SLC26A6: variants seen among roughly 807,000 people sequenced by gnomAD.
SLC26A6 encodes the protein solute carrier family 26 member 6.
Under a neutral mutation model 87.1 loss-of-function variants are expected in SLC26A6, and 67 were observed. The observed-to-expected ratio is 0.77, with a 90% CI of 0.63 to 0.94. The LOEUF (loss-of-function observed/expected upper bound fraction) is 0.94, where lower values mean the gene tolerates loss of function less well. SLC26A6 is among the 40% of genes least tolerant of loss of function. The pLI is 0.00. For synonymous variants in SLC26A6, 414 were observed against 405.9 expected, an observed-to-expected ratio of 1.02 and a Z score of -0.24; for missense variants, 902 against 973.0, an observed-to-expected ratio of 0.93 and a Z score of 0.97.
intron 4 of SLC26A6, 67 bp downstream of exon 4, chr3:48,632,907 C>T: frequency 1.4e-6 from 2 of 1,471,562 alleles, no homozygotes; most frequent in East Asian, 2.3e-5. Context: ...TGCTCAGTGC[C>T]CCCTCACCCT....
At position 48,631,646 on chromosome 3, in the gene SLC26A6, A is replaced by G. The variant is rs560074702; in HGVS notation, c.903+3T>C. Reference sequence around the variant, plus strand: ...CCTGCCCTCCACTCCCTGGCCCTCGAACCGTGAGCAGCTCCCCGGGTATCG... The same window carrying G: ...CCTGCCCTCCACTCCCTGGCCCTCGGACCGTGAGCAGCTCCCCGGGTATCG... On this transcript the variant is annotated splice_donor_region_variant and intron_variant, in intron 7 of 20. Transcript: ENST00000395550. The G allele has an allele frequency of 5.0e-6, 8 of 1,612,450 alleles. No individual in the cohort carries two copies. The Admixed American group carries it at 1.3e-4, about 27-fold the overall frequency.
chr3:48,633,090 G>A lies in SLC26A6; in HGVS notation c.323-6C>T, dbSNP rs972739065. ...CAGGAGGGCGTAGGCCAAGCCTAGG[G>A]GTAGAATGGTAGCAGTGCAGGCCTG... On this transcript the variant is annotated splice_region_variant and splice_polypyrimidine_tract_variant and intron_variant, in intron 3 of 20. Transcript: ENST00000395550. 11 of 1,609,386 alleles carry A rather than the reference G, an allele frequency of 6.8e-6. No individual in the cohort carries two copies. Among genetic ancestry groups the A allele is most frequent in the Non-Finnish European group, 8.5e-6 (10 of 1,177,918 alleles).
intron 7 of SLC26A6, 118 bp downstream of exon 7, chr3:48,631,531 C>A: frequency 1.5e-6 from 2 of 1,374,978 alleles, no homozygotes; most frequent in Non-Finnish European, 2.0e-6. Context: ...CCCCACAATA[C>A]CCAAGAACCC....
chr3:48,629,686 C>G lies in SLC26A6; in HGVS notation c.1555G>C (p.Val519Leu). ...QMPHYSVLGQVPDTDIYRDVA... is the reference protein window; with the variant it reads ...QMPHYSVLGQLPDTDIYRDVA... Reference sequence around the variant, plus strand: ...TCTCTGTAAATATCCGTGTCTGGCACCTGCCCCAGGACAGAGTAGTGGGGC... The same window carrying G: ...TCTCTGTAAATATCCGTGTCTGGCAGCTGCCCCAGGACAGAGTAGTGGGGC... Residue 519 changes from valine to leucine, a missense_variant, in exon 14 of 21, where the codon GTG becomes CTG. Around this residue, in one of 3 missense-constraint regions of SLC26A6, gnomAD observed 800 missense variants for 856.8 expected, o/e 0.93. Transcript: ENST00000395550. 3 of 1,613,618 alleles carry G rather than the reference C, an allele frequency of 1.9e-6. No homozygotes were observed. Among genetic ancestry groups the G allele is most frequent in the Non-Finnish European group, 2.5e-6 (3 of 1,179,774 alleles).
chr3:48,634,256 A>G (rs897603396), intron 1 of SLC26A6: 1 of 153,410 alleles, frequency 6.5e-6, no homozygotes, highest in African/African-American at 2.4e-5. Flanking sequence ...TTGCTCTTGG[A>G]GTGGCAATCT....
At chr3:48,630,843 C>G (rs2046766675) in intron 9 of SLC26A6, 123 bp from the exon 10 acceptor site, 1 of 1,491,440 alleles carries the variant, frequency 6.7e-7, no homozygotes, top group African/African-American at 1.4e-5. Context: ...AGACTGGATG[C>G]TGTCCCACAC....
chr3:48,627,717 A>G lies in SLC26A6; in HGVS notation c.1893+229T>C, dbSNP rs957974723. 2.6e-5 allele frequency: 11 copies of G among 421,060 alleles called. No homozygotes were observed. The Admixed American group carries it at 4.7e-4, about 18-fold the overall frequency. 26.1% of individuals were successfully genotyped at this position (421,060 alleles called of 1,614,324 possible). On this transcript the variant is annotated intron_variant, in intron 17 of 20. Transcript: ENST00000395550. ...CAGACTCTGGGGGAAGTCTTGTGGG[A>G]TCTACAAATTCAAGGTCTTCATCTA...
rs2046645432 is a variant in SLC26A6 at position 48,627,075 on chromosome 3, G to C, written c.1894-20C>G. 6.2e-7 allele frequency: 1 copy of C among 1,607,770 alleles called. No homozygotes were observed. Among genetic ancestry groups the C allele is most frequent in the Admixed American group, 1.7e-5 (1 of 59,126 alleles). ...CACCTGCTGGGGAGCCAGACATGCTGCCAGGGCCACCCATGAGAGAGTGAA... is the reference window on the plus strand; with the variant it reads ...CACCTGCTGGGGAGCCAGACATGCTCCCAGGGCCACCCATGAGAGAGTGAA... On this transcript the variant is annotated intron_variant, in intron 17 of 20. Transcript: ENST00000395550.
Position 48,628,158 on chromosome 3 carries a change from G to C in SLC26A6, c.1801-120C>G. 1.0e-6 allele frequency: 1 copy of C among 961,438 alleles called. No homozygotes were observed. The allele number at this position is 961,438 out of a possible 1,614,324, so 59.6% of individuals were successfully genotyped here. ...GGTGGGTGGGCCAGGACCAGAAGCT[G>C]TGGGACCTGCAGCAGCCAGGCTGAA... On this transcript the variant is annotated intron_variant, in intron 16 of 20. Coordinates refer to ENST00000395550, the MANE Select transcript of SLC26A6 (RefSeq NM_022911.3). The surrounding 1 kb of genome is among the most constrained non-coding windows in gnomAD (Gnocchi z 4.4).
chr3:48,632,491 C>A, intron 4 of SLC26A6, 95 bp from the exon 5 acceptor site: 1 of 1,495,614 alleles, frequency 6.7e-7, no homozygotes, highest in South Asian at 1.2e-5. Context: ...ACTTCCAGTT[C>A]TGGATAAATG....
chr3:48,633,263 G>A lies in SLC26A6; in HGVS notation c.310C>T (p.Gln104Ter). The change falls in exon 3 of 21, where the codon CAG becomes TAG. Residue 104 changes from glutamine to a stop codon, truncating the protein, a stop_gained. Transcript: ENST00000395550. LOFTEE classifies it high-confidence loss of function. ...LLSGLSVAIM[Q>*]LPQGLAYALL... Reference sequence around the variant, plus strand: ...GAAGGTGGCTCACCCTGCGGAAGCTGCATGATGGCCACACTCAGGCCGGAT... The same window carrying A: ...GAAGGTGGCTCACCCTGCGGAAGCTACATGATGGCCACACTCAGGCCGGAT... 6.2e-7 allele frequency: 1 copy of A among 1,613,090 alleles called. No homozygotes were observed. Among genetic ancestry groups the A allele is most frequent in the Non-Finnish European group, 8.5e-7 (1 of 1,179,826 alleles).
In SLC26A6 at chr3:48,626,979, G is replaced by A. The variant is rs761383528; in HGVS notation, c.1970C>T (p.Thr657Ile). The A allele has an allele frequency of 6.2e-7, 1 of 1,614,254 alleles. No homozygotes were observed. Among genetic ancestry groups the A allele is most frequent in the Non-Finnish European group, 8.5e-7 (1 of 1,180,044 alleles). The change falls in exon 18 of 21, where the codon ACA (threonine) becomes ATA (isoleucine). Residue 657 changes from threonine (T) to isoleucine (I), a missense_variant. Physicochemically the swap from Thr to Ile is moderately conservative, Grantham distance 89. Transcript: ENST00000395550. ...CTGAGGCAGGCCCAGGGCCTTCAGT[G>A]TGGACCCATCTGGGGCCTTGGAGTC... ...QEDSKAPDGS[T>I]LKALGLPQPD...
rs778865498 is a variant in SLC26A6, at chr3:48,627,029, T to A, written c.1920A>T (p.Glu640Asp). 1 of 1,614,034 alleles carries A rather than the reference T, an allele frequency of 6.2e-7. No homozygotes were observed. ...MMQVSSGDKM[E>D]DATANGQEDS... The stretch of plus-strand genomic sequence containing the variant: ...CTTCTTGACCATTGGCTGTTGCATC[T>A]TCCATCTTATCTCCTGAGCTCACCT... The change falls in exon 18 of 21, where the codon GAA becomes GAT. Residue 640 changes from glutamate to aspartate, a missense_variant. Around this residue, in one of 3 missense-constraint regions of SLC26A6, gnomAD observed 800 missense variants for 856.8 expected, o/e 0.93. Transcript: ENST00000395550.
Position 48,635,373 on chromosome 3 carries a change from C to T in SLC26A6, c.21G>A (p.Ser7=), listed in dbSNP as rs1252769029. The change falls in exon 1 of 21, where the codon TCG becomes TCA. Residue 7 remains serine (S), a splice_region_variant and synonymous_variant. Coordinates refer to ENST00000395550, the MANE Select transcript of SLC26A6 (RefSeq NM_022911.3). MGLADA[S]GPRDTQALLS... is the part of the protein sequence containing the mutation. ...CCGGGAATGTGCGCTGAACTCACCC[C>T]GACGCATCCGCCAGCCCCATGGCTC... 1.3e-6 allele frequency: 2 copies of T among 1,588,366 alleles called. No homozygotes were observed. The highest frequency in any genetic ancestry group is 8.6e-7 in the Non-Finnish European group (1 of 1,168,662).
At chr3:48,632,837 T>G in intron 4 of SLC26A6, 137 bp downstream of exon 4, 2 of 869,208 alleles carry the variant, frequency 2.3e-6, no homozygotes, top group Non-Finnish European at 3.7e-6. Flanking sequence ...TGGGGATGAC[T>G]CGTGGGCTAG....
Position 48,630,071 on chromosome 3 carries a change from C to T in SLC26A6, c.1413G>A (p.Arg471=), listed in dbSNP as rs776768565. The change falls in exon 12 of 21, where the codon CGG becomes CGA. Residue 471 remains arginine (R), a synonymous_variant. Transcript: ENST00000395550. ...CTCCCAGTGCACTCACCAGATCCGC[C>T]CGATTGGCCTTCCAGAGGGAGCGCA... The part of the protein sequence containing the change: ...SDMRSLWKAN[R]ADLLIWLVTF... 17 of 1,612,302 alleles carry T rather than the reference C, an allele frequency of 1.1e-5. No homozygotes were observed. The highest frequency in any genetic ancestry group is 1.4e-5 in the Non-Finnish European group (16 of 1,178,772).
At position 48,626,687 on chromosome 3, in the gene SLC26A6, T is replaced by G; in HGVS notation, c.2074-2A>C. 6.2e-7 allele frequency: 1 copy of G among 1,613,970 alleles called. No homozygotes were observed. The highest frequency in any genetic ancestry group is 8.5e-7 in the Non-Finnish European group (1 of 1,180,016). The stretch of plus-strand genomic sequence containing the variant: ...AATCTCCCGGAAGTCATGGAAAATC[T>G]GTAGCGGAAAAGGGGGCCAGCCTCA... On this transcript the variant is annotated splice_acceptor_variant, in intron 18 of 20. Coordinates refer to ENST00000395550, the MANE Select transcript of SLC26A6 (RefSeq NM_022911.3). LOFTEE classifies it high-confidence loss of function.
Position 48,628,077 on chromosome 3 carries a change from C to A in SLC26A6, c.1801-39G>T. ...GACAGGGAATGGGAAACAGCTAGCC[C>A]GGCTGCCATGACAGCCATGTCACAT... On this transcript the variant is annotated intron_variant, in intron 16 of 20. Coordinates refer to ENST00000395550, the MANE Select transcript of SLC26A6 (RefSeq NM_022911.3). This position sits in a 1 kb window ranked among gnomAD's most constrained non-coding sequence, Gnocchi z 4.4. The A allele has an allele frequency of 6.6e-7, 1 of 1,520,948 alleles. No individual in the cohort carries two copies. The highest frequency in any genetic ancestry group is 8.8e-7 in the Non-Finnish European group (1 of 1,133,030). The allele number at this position is 1,520,948 out of a possible 1,614,324, so 94.2% of individuals were successfully genotyped here.
chr3:48,632,319 T>C lies in SLC26A6; in HGVS notation c.511A>G (p.Ile171Val). The change falls in exon 5 of 21, where the codon ATC becomes GTC. Residue 171 changes from isoleucine (I) to valine (V), a missense_variant. Ile to Val is a conservative substitution (Grantham distance 29, BLOSUM62 3). Transcript: ENST00000395550. ...GCAGCATCTCTGGCTGTCTCATTGATCATGGAGTCGTTCAAGGCCTGCGGG... is the reference window on the plus strand; with the variant it reads ...GCAGCATCTCTGGCTGTCTCATTGACCATGGAGTCGTTCAAGGCCTGCGGG... ...LAPQALNDSM[I>V]NETARDAARV... 3 of 1,613,184 alleles carry C rather than the reference T, an allele frequency of 1.9e-6. No individual in the cohort carries two copies. Among genetic ancestry groups the C allele is most frequent in the Non-Finnish European group, 2.5e-6 (3 of 1,179,840 alleles).
Sources: allele counts gnomAD v4.1 joint callset, GRCh38; gene constraint gnomAD v4.1.1; regional missense constraint gnomAD v4.1.1; non-coding constraint Gnocchi (gnomAD v3.1); transcripts MANE v1.5; gene names NCBI Gene and HGNC (gene_info 2026-07-23, HGNC 2026-07-21).